Variants in ACOXL observed in about 807,000 individuals in gnomAD.
ACOXL encodes acyl-CoA oxidase like.
Under a neutral mutation model 71.9 loss-of-function variants are expected in ACOXL, and 70 were observed. That is an observed-to-expected ratio of 0.97 (90% CI 0.80 to 1.19). ACOXL has a LOEUF of 1.19. Ranked by LOEUF, ACOXL falls within the 50% of genes most tolerant of loss-of-function variation. The pLI, the probability that ACOXL is intolerant of heterozygous loss-of-function variation, is 0.00. For synonymous variants in ACOXL, 253 were observed against 281.6 expected (o/e 0.90, Z 1.02); for missense variants, 703 against 736.3 (o/e 0.95, Z 0.52).
chr2:110,928,318 T>G (rs2060354365), intron 11 of ACOXL, among the ~76,000 whole-genome samples: 1 of 152,240 alleles, frequency 6.6e-6, no homozygotes, highest in Non-Finnish European at 1.5e-5. Context: ...TCTCTTTGTT[T>G]TTTGATTGAT....
chr2:110,938,597 G>C (rs1032992501), intron 12 of ACOXL, among the ~76,000 whole-genome samples: 1 of 152,190 alleles, frequency 6.6e-6, no homozygotes, highest in Non-Finnish European at 1.5e-5. Flanking sequence ...ACTGTTGTGT[G>C]GAATATTCAG....
intron 1 of ACOXL, among the ~76,000 whole-genome samples, chr2:110,741,461 C>G (rs1181784659): frequency 6.6e-6 from 1 of 152,164 alleles, no homozygotes; most frequent in Non-Finnish European, 1.5e-5. Context: ...CAGTCAATAT[C>G]TGAATTTTTA....
chr2:110,737,669 C>A (rs1006718108), intron 1 of ACOXL, among the ~76,000 whole-genome samples: 5 of 152,202 alleles, frequency 3.3e-5, no homozygotes, highest in African/African-American at 1.2e-4. Flanking sequence ...AGAGCAGTTC[C>A]ACTCGTCCCA....
At chr2:110,787,154 A>C (rs1396337043) in intron 3 of ACOXL, among the ~76,000 whole-genome samples, 1 of 152,130 alleles carries the variant, frequency 6.6e-6, no homozygotes, top group Non-Finnish European at 1.5e-5. Context: ...TATTTCATTG[A>C]ATTTTTCCAT....
At chr2:111,061,543 A>G (rs1454563286) in intron 16 of ACOXL, among the ~76,000 whole-genome samples, 1 of 152,186 alleles carries the variant, frequency 6.6e-6, no homozygotes, top group Non-Finnish European at 1.5e-5. Flanking sequence ...GAAGGAATCA[A>G]GAATCATCAG....
At chr2:110,783,713 G>A (rs1683611114) in intron 2 of ACOXL, among the ~76,000 whole-genome samples, 1 of 152,118 alleles carries the variant, frequency 6.6e-6, no homozygotes, top group African/African-American at 2.4e-5. Flanking sequence ...ACAGGCACAT[G>A]CACACACATG....
intron 10 of ACOXL, among the ~76,000 whole-genome samples, chr2:110,851,586 A>G (rs1692604769): frequency 6.6e-6 from 1 of 152,120 alleles, no homozygotes; most frequent in Non-Finnish European, 1.5e-5. Flanking sequence ...GACGCCCTAG[A>G]CTGTGTGGTG....
intron 16 of ACOXL, among the ~76,000 whole-genome samples, chr2:111,086,536 T>C (rs538148147): frequency 3.9e-5 from 6 of 152,308 alleles, no homozygotes; most frequent in African/African-American, 1.4e-4. Flanking sequence ...CTGATTTGGC[T>C]CTCAGCTTGG....
At chr2:110,904,623 T>A (rs1332779343) in intron 10 of ACOXL, among the ~76,000 whole-genome samples, 3 of 152,190 alleles carry the variant, frequency 2.0e-5, no homozygotes, top group Non-Finnish European at 4.4e-5. Context: ...AAAGCATAGT[T>A]TGTTACTCAC....
chr2:110,884,180 C>G (rs1253220353), intron 10 of ACOXL, among the ~76,000 whole-genome samples: 1 of 152,042 alleles, frequency 6.6e-6, no homozygotes, highest in Non-Finnish European at 1.5e-5. Context: ...AGTGGCAAAA[C>G]CCAAATGTTT....
intron 14 of ACOXL, among the ~76,000 whole-genome samples, chr2:111,004,217 A>G (rs1345179407): frequency 6.6e-6 from 1 of 152,180 alleles, no homozygotes; most frequent in Admixed American, 6.5e-5. Flanking sequence ...AAAAAGGCAA[A>G]AACACAAGTG....
intron 15 of ACOXL, among the ~76,000 whole-genome samples, chr2:111,034,502 C>T (rs908324584): frequency 3.3e-5 from 5 of 152,162 alleles, no homozygotes; most frequent in African/African-American, 1.2e-4. Context: ...TGGTTCATAA[C>T]CACAGTAGCA....
At chr2:111,012,204 T>C (rs1246813115) in intron 14 of ACOXL, among the ~76,000 whole-genome samples, 7 of 152,250 alleles carry the variant, frequency 4.6e-5, no homozygotes. Context: ...TAAACTGGCC[T>C]CTTGGTGCCA....
intron 17 of ACOXL, among the ~76,000 whole-genome samples, chr2:111,108,889 G>T (rs997797793): frequency 2.0e-5 from 3 of 152,230 alleles, no homozygotes; most frequent in Admixed American, 1.3e-4. Flanking sequence ...AATGGAAGCA[G>T]ATAGATGTAG....
intron 16 of ACOXL, among the ~76,000 whole-genome samples, chr2:111,059,978 C>T (rs1164335692): frequency 1.3e-5 from 2 of 152,066 alleles, no homozygotes; most frequent in South Asian, 2.1e-4. Flanking sequence ...GAAGACTCCT[C>T]CTGCCAGGCA....
intron 10 of ACOXL, among the ~76,000 whole-genome samples, chr2:110,863,259 G>A (rs1694171347): frequency 6.6e-6 from 1 of 152,172 alleles, no homozygotes; most frequent in African/African-American, 2.4e-5. Flanking sequence ...AACCATGAAA[G>A]TATTGCTCAT....
Position 110,886,697 on chromosome 2 carries a change from T to C in ACOXL, c.789-22092T>C, listed in dbSNP as rs1697341832. On this transcript the variant is annotated intron_variant, in intron 10 of 17. Transcript: ENST00000439055. Reference sequence around the variant, plus strand: ...TCTGTCCCTCCCCTATCCTTCTGAATGCCAAGTTTCACCCTTTGACTGGAG... The same window carrying C: ...TCTGTCCCTCCCCTATCCTTCTGAACGCCAAGTTTCACCCTTTGACTGGAG... The C allele has an allele frequency of 2.6e-6, 4 of 1,524,374 alleles. No individual in the cohort carries two copies. In the African/African-American group the frequency reaches 4.1e-5, roughly 16 times the overall value. 94.4% of individuals were successfully genotyped at this position (1,524,374 alleles called of 1,614,324 possible). A position where few individuals can be genotyped will look rare whatever the true frequency, so the allele number is the denominator to read the frequency against.
chr2:110,734,593 C>T (rs145711126), intron 1 of ACOXL, among the ~76,000 whole-genome samples: 6 of 152,138 alleles, frequency 3.9e-5, no homozygotes, highest in African/African-American at 9.6e-5. Flanking sequence ...TGTTTGTGAA[C>T]GGCTGCTTTA....
At chr2:110,770,157 C>G in intron 2 of ACOXL, among the ~76,000 whole-genome samples, 1 of 152,222 alleles carries the variant, frequency 6.6e-6, no homozygotes, top group Admixed American at 6.5e-5. Context: ...GGAGCCGACC[C>G]TATCCTGCAG....
Sources: allele counts gnomAD v4.1 joint callset (sites outside exome capture counted in the v4.1 genomes callset), GRCh38; gene constraint gnomAD v4.1.1; transcripts MANE v1.5; gene names NCBI Gene and HGNC (gene_info 2026-07-23, HGNC 2026-07-21).